SHANK2: variants seen among roughly 807,000 people sequenced by gnomAD.
SHANK2 encodes the protein SH3 and multiple ankyrin repeat domains 2, also known as SH3 and multiple ankyrin repeat domains protein 2.
In SHANK2, 43 loss-of-function variants were observed where a neutral mutation model predicts 133.7. The observed-to-expected ratio is 0.32, with a 90% CI of 0.25 to 0.41. The LOEUF is 0.41. Among genes scored for constraint, SHANK2 ranks in the 10% least tolerant of loss-of-function variants. The pLI is 1.00. For missense variants in SHANK2, 1,994 were observed against 2,235.8 expected (o/e 0.89, Z 2.18); for synonymous variants, 1,017 against 952.8 (o/e 1.07, Z -1.24).
chr11:70,865,045 A>T (rs1254302026), intron 11 of SHANK2: 1 of 152,088 alleles, frequency 6.6e-6, no homozygotes, highest in Non-Finnish European at 1.5e-5. Flanking sequence ...GGCCCTAGAG[A>T]GTTCTCTGGT....
At chr11:70,860,053 G>A (rs562764984) in intron 11 of SHANK2, among the ~76,000 whole-genome samples, 64 of 152,262 alleles carry the variant, frequency 4.2e-4, no homozygotes, top group African/African-American at 1.5e-3. Context: ...TCCCTGCGGA[G>A]CAAACATCCC....
intron 25 of SHANK2, among the ~76,000 whole-genome samples, chr11:70,476,961 C>G (rs2058672092): frequency 6.6e-6 from 1 of 152,218 alleles, no homozygotes; most frequent in South Asian, 2.1e-4. Flanking sequence ...CAGTGCTGCC[C>G]TCACTGGGAA....
At chr11:71,194,924 G>A (rs1279584058) in intron 2 of SHANK2, among the ~76,000 whole-genome samples, 2 of 152,196 alleles carry the variant, frequency 1.3e-5, no homozygotes, top group African/African-American at 2.4e-5. Flanking sequence ...CAGCTACTTA[G>A]ACAGAAGGTC....
chr11:70,918,044 T>TA (rs1950294517), intron 10 of SHANK2, among the ~76,000 whole-genome samples: 1 of 133,230 alleles, frequency 7.5e-6, no homozygotes, highest in African/African-American at 2.9e-5. Context: ...TTTTTTTTTT[T>TA]AAATAAGGCC....
chr11:70,486,993 C>T lies in SHANK2; in HGVS notation c.3300G>A (p.Pro1100=), dbSNP rs1555154042. Residue 1100 remains proline, a synonymous_variant, in exon 25 of 26, where the codon CCG becomes CCA. Coordinates refer to ENST00000601538, the MANE Select transcript of SHANK2 (RefSeq NM_012309.5). The surrounding 1 kb of genome is among the most constrained non-coding windows in gnomAD (Gnocchi z 8.0). ...EKRLEARRNS[P]AFLSTDLGDE... is the part of the protein sequence containing the mutation. Reference sequence around the variant, plus strand: ...CCCCCAGGTCTGTGGAGAGGAAGGCCGGGGAGTTCCTCCTGGCTTCCAGCC... The same window carrying T: ...CCCCCAGGTCTGTGGAGAGGAAGGCTGGGGAGTTCCTCCTGGCTTCCAGCC... 1.3e-5 allele frequency: 21 copies of T among 1,611,120 alleles called. No individual in the cohort carries two copies. Among genetic ancestry groups the T allele is most frequent in the Non-Finnish European group, 1.5e-5 (18 of 1,179,788 alleles).
At chr11:71,152,662 GGC>G (rs1952820521) in intron 2 of SHANK2, among the ~76,000 whole-genome samples, 1 of 152,156 alleles carries the variant, frequency 6.6e-6, no homozygotes, top group African/African-American at 2.4e-5. Context: ...GGTGCAGAAG[GGC>G]TCCAGTGCTG....
At chr11:70,645,613 A>G (rs2061249301) in intron 17 of SHANK2, among the ~76,000 whole-genome samples, 1 of 152,216 alleles carries the variant, frequency 6.6e-6, no homozygotes, top group South Asian at 2.1e-4. Context: ...TGCTATATTT[A>G]CAACAAGAGA....
chr11:70,833,335 A>T (rs782285237), intron 11 of SHANK2, among the ~76,000 whole-genome samples: 15 of 152,192 alleles, frequency 9.9e-5, no homozygotes, highest in Non-Finnish European at 1.8e-4. Flanking sequence ...GAGCACAGTG[A>T]CCGCCTGACA....
chr11:70,672,943 G>A (rs1359027928), intron 15 of SHANK2, among the ~76,000 whole-genome samples: 1 of 152,236 alleles, frequency 6.6e-6, no homozygotes, highest in African/African-American at 2.4e-5. Context: ...CAACCACCCT[G>A]AGCCTGGGTT....
Position 71,124,343 on chromosome 11 carries a change from GTGA to G in SHANK2, c.208-5314_208-5312del, listed in dbSNP as rs555190666. Among the ~76,000 whole-genome samples the G allele has an allele frequency of 1.5e-3, 175 of 120,298 alleles. 2 individuals are homozygous for G. The highest frequency in any genetic ancestry group is 4.9e-3 in the African/African-American group (155 of 31,886). 78.9% of individuals were successfully genotyped at this position (120,298 alleles called of 152,430 possible). A position where few individuals can be genotyped will look rare whatever the true frequency, so the allele number is the denominator to read the frequency against. Reference sequence around the variant, plus strand: ...GGTGATCATAATGAGGATGATGATGGTGATGATGACAGTGGTCACTGCAATGAT... The same window carrying G: ...GGTGATCATAATGAGGATGATGATGGTGATGACAGTGGTCACTGCAATGAT... On this transcript the variant is annotated intron_variant, in intron 3 of 25. Transcript: ENST00000601538.
intron 13 of SHANK2, among the ~76,000 whole-genome samples, chr11:70,802,859 G>A (rs1207912032): frequency 6.6e-6 from 1 of 152,196 alleles, no homozygotes; most frequent in African/African-American, 2.4e-5. Flanking sequence ...AGTAAGCAGG[G>A]TCAATCATCA....
At chr11:70,868,947 A>G (rs551128817) in intron 11 of SHANK2, among the ~76,000 whole-genome samples, 12 of 152,290 alleles carry the variant, frequency 7.9e-5, no homozygotes, top group African/African-American at 2.9e-4. Context: ...AATTCATGTG[A>G]CGCAGGCTTC....
chr11:70,649,369 T>C (rs2061312503), intron 17 of SHANK2, among the ~76,000 whole-genome samples: 1 of 152,132 alleles, frequency 6.6e-6, no homozygotes, highest in Non-Finnish European at 1.5e-5. Context: ...GGGGCTACCA[T>C]TCTCAGGGCT....
chr11:70,757,937 G>GT (rs1309738453), intron 14 of SHANK2, among the ~76,000 whole-genome samples: 17 of 152,156 alleles, frequency 1.1e-4, no homozygotes, highest in African/African-American at 4.1e-4. Flanking sequence ...TGAGATCACG[G>GT]TGTCTGTAGG....
intron 2 of SHANK2, among the ~76,000 whole-genome samples, chr11:71,167,797 T>C (rs1953205328): frequency 7.2e-6 from 1 of 138,456 alleles, no homozygotes; most frequent in Non-Finnish European, 1.6e-5. Flanking sequence ...GGCGGGGGGC[T>C]GATCCCCCCA....
chr11:71,197,932 T>A (rs111738387), intron 2 of SHANK2, among the ~76,000 whole-genome samples: 1 of 151,548 alleles, frequency 6.6e-6, no homozygotes, highest in African/African-American at 2.4e-5. Context: ...GAAGAAGGAG[T>A]CGGGCACCCT....
intron 17 of SHANK2, among the ~76,000 whole-genome samples, chr11:70,573,557 G>GGGGT (rs1554983581): frequency 5.3e-5 from 7 of 132,008 alleles, no homozygotes; most frequent in South Asian, 2.6e-4. Flanking sequence ...GGCGGGGGGG[G>GGGGT]GGTGGGGCAT....
At chr11:70,854,392 T>C (rs1590761111) in intron 11 of SHANK2, among the ~76,000 whole-genome samples, 1 of 152,166 alleles carries the variant, frequency 6.6e-6, no homozygotes, top group Non-Finnish European at 1.5e-5. Flanking sequence ...CTGTGGCTAG[T>C]GCTGTTACTA....
At chr11:70,670,682 C>T (rs1297367919) in intron 15 of SHANK2, among the ~76,000 whole-genome samples, 3 of 152,250 alleles carry the variant, frequency 2.0e-5, no homozygotes, top group African/African-American at 4.8e-5. Context: ...TGCTCTCTTG[C>T]CCTTCCTGCA....
Sources: allele counts gnomAD v4.1 joint callset (sites outside exome capture counted in the v4.1 genomes callset), GRCh38; gene constraint gnomAD v4.1.1; non-coding constraint Gnocchi (gnomAD v3.1); transcripts MANE v1.5; gene names NCBI Gene and HGNC (gene_info 2026-07-23, HGNC 2026-07-21).